DENND2B: variants seen among roughly 807,000 people sequenced by gnomAD.
The protein encoded by DENND2B is DENN domain containing 2B.
Under a neutral mutation model 116.0 loss-of-function variants are expected in DENND2B, and 32 were observed. The observed-to-expected ratio is 0.28, with a 90% CI of 0.21 to 0.37. The LOEUF is 0.37. Among genes scored for constraint, DENND2B ranks in the 10% least tolerant of loss-of-function variants. The pLI, the probability that DENND2B is intolerant of heterozygous loss-of-function variation, is 1.00. For synonymous variants in DENND2B, 588 were observed against 583.9 expected, an observed-to-expected ratio of 1.01 and a Z score of -0.10; for missense variants, 1,276 against 1,477.7, an observed-to-expected ratio of 0.86 and a Z score of 2.24.
intron 3 of DENND2B, among the ~76,000 whole-genome samples, chr11:8,849,059 GT>G (rs2062909123): frequency 7.3e-6 from 1 of 136,196 alleles, no homozygotes; most frequent in Non-Finnish European, 1.6e-5. Flanking sequence ...TGAAAATGAT[GT>G]AATTTTTTTT....
intron 1 of DENND2B, among the ~76,000 whole-genome samples, chr11:8,798,656 C>T (rs1789581545): frequency 6.6e-6 from 1 of 152,028 alleles, no homozygotes. Flanking sequence ...TTTGAAAACC[C>T]ATCTGGGCAC....
At chr11:8,751,331 C>T (rs368757183) in intron 1 of DENND2B, among the ~76,000 whole-genome samples, 47 of 152,110 alleles carry the variant, frequency 3.1e-4, no homozygotes, top group Admixed American at 7.9e-4. Flanking sequence ...ATCGACTCTC[C>T]GTAAAATGGA....
chr11:8,726,657 C>A (rs895055505), intron 3 of DENND2B, among the ~76,000 whole-genome samples: 2 of 152,204 alleles, frequency 1.3e-5, no homozygotes, highest in African/African-American at 4.8e-5. Context: ...TAGAGAATAT[C>A]CTCCTTGAGA....
In DENND2B at chr11:8,801,701, G is replaced by GAAAGAAAGAAAC. The variant is rs796319245; in HGVS notation, c.-26+8815_-26+8816insGTTTCTTTCTTT. Among the ~76,000 whole-genome samples, 167 of 145,706 alleles carry GAAAGAAAGAAAC rather than the reference G, an allele frequency of 1.1e-3. 1 individual carries two copies. Among genetic ancestry groups the GAAAGAAAGAAAC allele is most frequent in the Middle Eastern group, 3.6e-3 (1 of 278 alleles). ...CAAAAAAAAAAAAAAAAGAAAGAAA[G>GAAAGAAAGAAAC]AAACAAACAAACACTCCTGAGGCTG... On this transcript the variant is annotated intron_variant, in intron 1 of 19. Coordinates refer to ENST00000313726, the MANE Select transcript of DENND2B (RefSeq NM_213618.2).
chr11:8,899,404 G>T lies in DENND2B; in HGVS notation c.-256+11417C>A, dbSNP rs565438786. 2.0e-5 allele frequency among the ~76,000 whole-genome samples: 3 copies of T among 152,222 alleles called. No individual in the cohort carries two copies. The South Asian group carries it at 6.2e-4, about 32-fold the overall frequency. On this transcript the variant is annotated intron_variant, in intron 1 of 22. Coordinates refer to the DENND2B transcript ENST00000534127. ...GAGGTCCATACCTAGAAACACCAAG[G>T]TTAAACTGTTGAAAGGCAAACACAA...
intron 16 of DENND2B, chr11:8,698,013 C>T (rs1278179725): frequency 5.0e-6 from 2 of 401,946 alleles, no homozygotes; most frequent in Non-Finnish European, 9.7e-6. Flanking sequence ...GTGGCATGCA[C>T]CTGTACTCCC....
rs1236406587 is a variant in DENND2B at position 8,731,076 on chromosome 11, G to T, written c.214C>A (p.Pro72Thr). 6.2e-7 allele frequency: 1 copy of T among 1,612,932 alleles called. No homozygotes were observed. Residue 72 changes from proline to threonine, a missense_variant, in exon 3 of 20, where the codon CCC (proline) becomes ACC (threonine). By Grantham distance (38) the Pro-to-Thr change is conservative. Coordinates refer to ENST00000313726, the MANE Select transcript of DENND2B (RefSeq NM_213618.2). Reference protein sequence around the residue: ...SSRVLLKDRHPPAPSPQNPQD... With the variant: ...SSRVLLKDRHTPAPSPQNPQD... Reference sequence around the variant, plus strand: ...GGATTCTGGGGTGAAGGAGCTGGGGGGTGCCGGTCCTTGAGGAGCACCCGG... The same window carrying T: ...GGATTCTGGGGTGAAGGAGCTGGGGTGTGCCGGTCCTTGAGGAGCACCCGG...
intron 2 of DENND2B, among the ~76,000 whole-genome samples, chr11:8,864,295 G>A (rs2063504366): frequency 6.6e-6 from 1 of 152,038 alleles, no homozygotes; most frequent in African/African-American, 2.4e-5. Flanking sequence ...TCACTCAGGG[G>A]CTCACTCTGT....
chr11:8,798,829 T>TG (rs1491539359), intron 1 of DENND2B, among the ~76,000 whole-genome samples: 1 of 27,740 alleles, frequency 3.6e-5, no homozygotes, highest in East Asian at 1.0e-3. Flanking sequence ...TTCCGGTTGC[T>TG]TTTTTTTTTT....
upstream of DENND2B, among the ~76,000 whole-genome samples, chr11:8,813,347 C>T (rs1301999876): frequency 6.6e-6 from 1 of 152,026 alleles, no homozygotes; most frequent in African/African-American, 2.4e-5. Flanking sequence ...ACTATAAATC[C>T]CCAACCCCAC....
At chr11:8,878,499 C>T (rs1191043680) in intron 2 of DENND2B, among the ~76,000 whole-genome samples, 2 of 151,806 alleles carry the variant, frequency 1.3e-5, no homozygotes, top group Middle Eastern at 3.2e-3. Context: ...AAGCAGTTCT[C>T]CTGTCTCAGC....
chr11:8,708,110 T>C, intron 11 of DENND2B: 2 of 1,410,830 alleles, frequency 1.4e-6, no homozygotes, highest in Admixed American at 5.1e-5. Flanking sequence ...GCTCCACCCT[T>C]CCTCCCAGGA....
At position 8,726,481 on chromosome 11, in the gene DENND2B, C is replaced by T. The variant is rs564641774; in HGVS notation, c.1341-272G>A. Among the ~76,000 whole-genome samples the T allele has an allele frequency of 3.3e-5, 5 of 152,310 alleles. No homozygotes were observed. In the South Asian group the frequency reaches 8.3e-4, roughly 25 times the overall value. On this transcript the variant is annotated intron_variant, in intron 3 of 19. Transcript: ENST00000313726. The stretch of plus-strand genomic sequence containing the variant: ...TAAAAGCATGCTGTTCCAGGTGCTG[C>T]GTCAAATCCACCTTTACATGTGTTA...
Position 8,702,646 on chromosome 11 carries a change from A to G in DENND2B, c.2646T>C (p.Ser882=). The G allele has an allele frequency of 6.2e-7, 1 of 1,613,962 alleles. No individual in the cohort carries two copies. Among genetic ancestry groups the G allele is most frequent in the South Asian group, 1.1e-5 (1 of 91,086 alleles). ...VDFECLFTCL[S]VRQLIRIFAS... Reference sequence around the variant, plus strand: ...CAAAGATTCGGATGAGCTGGCGCACACTGAGGCAGGTAAAAAGGCACTCAA... The same window carrying G: ...CAAAGATTCGGATGAGCTGGCGCACGCTGAGGCAGGTAAAAAGGCACTCAA... Residue 882 remains serine (S), a synonymous_variant, in exon 14 of 20, where the codon AGT becomes AGC. Coordinates refer to ENST00000313726, the MANE Select transcript of DENND2B (RefSeq NM_213618.2). The surrounding 1 kb of genome is among the most constrained non-coding windows in gnomAD (Gnocchi z 4.6).
intron 3 of DENND2B, among the ~76,000 whole-genome samples, chr11:8,843,931 T>C (rs377544182): frequency 1.8e-4 from 27 of 152,358 alleles, no homozygotes; most frequent in African/African-American, 6.3e-4. Context: ...CTCCTCAACA[T>C]TCTTTGCTTT....
intron 1 of DENND2B, among the ~76,000 whole-genome samples, chr11:8,756,216 G>T (rs2053583250): frequency 6.6e-6 from 1 of 152,210 alleles, no homozygotes; most frequent in South Asian, 2.1e-4. Context: ...AAAACATGAT[G>T]AAAAACATAT....
At chr11:8,892,310 A>G (rs1474952100) in intron 1 of DENND2B, among the ~76,000 whole-genome samples, 1 of 152,110 alleles carries the variant, frequency 6.6e-6, no homozygotes, top group Admixed American at 6.6e-5. Flanking sequence ...AAATTGATCT[A>G]AAACCCTAAC....
chr11:8,752,899 T>G (rs1399579078), intron 1 of DENND2B, among the ~76,000 whole-genome samples: 4 of 152,208 alleles, frequency 2.6e-5, no homozygotes, highest in African/African-American at 4.8e-5. Context: ...ATTAAACTGC[T>G]GAGTGACTTC....
At chr11:8,838,166 C>T (rs1323337443) in intron 4 of DENND2B, among the ~76,000 whole-genome samples, 1 of 152,232 alleles carries the variant, frequency 6.6e-6, no homozygotes, top group Non-Finnish European at 1.5e-5. Context: ...TCCAGTTCCA[C>T]TAAGGATGCT....
Sources: gnomAD v4.1 joint callset for allele counts (sites outside exome capture counted in the v4.1 genomes callset) on GRCh38, gnomAD v4.1.1 for gene constraint, Gnocchi (gnomAD v3.1) non-coding constraint, MANE v1.5 for transcripts, NCBI Gene and HGNC (gene_info 2026-07-23, HGNC 2026-07-21) for gene names.